The following SNW1 variants were observed in gnomAD, a reference collection of about 807,000 sequenced individuals.
SNW1 encodes SNW domain containing 1.
SNW1 carries 9 observed loss-of-function variants against 75.6 expected under a neutral mutation model. The observed-to-expected ratio is 0.12, with a 90% CI of 0.07 to 0.21. The LOEUF (loss-of-function observed/expected upper bound fraction) is 0.21, where lower values mean the gene tolerates loss of function less well. Ranked by LOEUF, SNW1 falls within the 10% of genes least tolerant of loss-of-function variation. The pLI is 1.00. For synonymous variants in SNW1, 200 were observed against 219.1 expected (o/e 0.91, Z 0.77); for missense variants, 409 against 670.9 (o/e 0.61, Z 4.31).
intron 5 of SNW1, among the ~76,000 whole-genome samples, chr14:77,738,182 C>T (rs1221265734): frequency 6.6e-6 from 1 of 151,766 alleles, no homozygotes; most frequent in Non-Finnish European, 1.5e-5. Flanking sequence ...TGGTGGGCAC[C>T]TGTAATCCCA....
At position 77,760,964 on chromosome 14, in the gene SNW1, C is replaced by G. The variant is rs2080885891; in HGVS notation, c.14+150G>C. On this transcript the variant is annotated intron_variant, in intron 1 of 13. Coordinates refer to ENST00000261531, the MANE Select transcript of SNW1 (RefSeq NM_012245.3). ...CAGCTTCGACTAGGCCTAGTCGTAG[C>G]GGCGGCCAGCGGGAGGGCGTAGCCG... The G allele has an allele frequency of 1.3e-5, 21 of 1,564,678 alleles. No homozygotes were observed. In the South Asian group the frequency reaches 2.0e-4, roughly 15 times the overall value.
In SNW1 at chr14:77,739,050, G is replaced by C; in HGVS notation, c.342C>G (p.Ser114Arg). The change falls in exon 4 of 14, where the codon AGC becomes AGG. Residue 114 changes from serine to arginine, a missense_variant. Around this residue, in one of 9 missense-constraint regions of SNW1, gnomAD observed 60 missense variants for 62.6 expected, o/e 0.96. Coordinates refer to ENST00000261531, the MANE Select transcript of SNW1 (RefSeq NM_012245.3). ...CCTTTGGAACCAGGTCAGTGTATTT[G>C]CTATAAATGACCTAAAATGTTCAAA... ...QGQSKDKVIY[S>R]KYTDLVPKEV... 1.2e-6 allele frequency: 2 copies of C among 1,612,388 alleles called. No homozygotes were observed. The highest frequency in any genetic ancestry group is 1.7e-6 in the Non-Finnish European group (2 of 1,178,980).
At chr14:77,736,155 G>A (rs2080669671) in intron 6 of SNW1, 149 bp from the exon 7 acceptor site, 2 of 566,876 alleles carry the variant, frequency 3.5e-6, no homozygotes, top group Non-Finnish European at 3.1e-6. Context: ...ACTCCACTTT[G>A]ACAATGAATA....
intron 8 of SNW1, among the ~76,000 whole-genome samples, 199 bp from the exon 9 acceptor site, chr14:77,732,800 G>A (rs1023930503): frequency 6.6e-6 from 1 of 152,154 alleles, no homozygotes; most frequent in Non-Finnish European, 1.5e-5. Flanking sequence ...GAGTAGCTGG[G>A]ACCATAGGCG....
At chr14:77,748,026 A>G (rs1468572544) in intron 3 of SNW1, among the ~76,000 whole-genome samples, 1 of 152,238 alleles carries the variant, frequency 6.6e-6, no homozygotes, top group Non-Finnish European at 1.5e-5. Flanking sequence ...GTCTGTGTAG[A>G]GGGAAGTAGA....
chr14:77,725,865 A>G (rs773256775), intron 10 of SNW1, among the ~76,000 whole-genome samples: 2 of 152,206 alleles, frequency 1.3e-5, no homozygotes, highest in Non-Finnish European at 2.9e-5. Context: ...GCAGTGAGCT[A>G]AGATTACACC....
intron 12 of SNW1, 149 bp downstream of exon 12, chr14:77,720,562 T>C: frequency 1.3e-6 from 1 of 775,698 alleles, no homozygotes; most frequent in Non-Finnish European, 2.4e-6. Flanking sequence ...CAGAACTGTT[T>C]CATCTTGTCT....
intron 10 of SNW1, among the ~76,000 whole-genome samples, chr14:77,729,140 A>G (rs2080608941): frequency 6.6e-6 from 1 of 152,188 alleles, no homozygotes; most frequent in Non-Finnish European, 1.5e-5. Context: ...CTTGTAACCA[A>G]TTACCTGGCA....
At chr14:77,722,747 G>A in intron 11 of SNW1, 1 of 363,328 alleles carries the variant, frequency 2.8e-6, no homozygotes, top group Non-Finnish European at 5.3e-6. Flanking sequence ...TCAAACTAAA[G>A]AAGAAAGGGA....
chr14:77,736,676 G>A (rs1227958781), intron 6 of SNW1, among the ~76,000 whole-genome samples: 1 of 152,178 alleles, frequency 6.6e-6, no homozygotes, highest in Admixed American at 6.5e-5. Context: ...ATGCACCTGT[G>A]AAATCATCAT....
intron 5 of SNW1, 39 bp from the exon 6 acceptor site, chr14:77,737,114 C>A (rs1225179324): frequency 2.1e-6 from 3 of 1,422,584 alleles, no homozygotes; most frequent in South Asian, 1.2e-5. Context: ...GTAATTAGTT[C>A]AAGCTTTCAG....
At chr14:77,723,612 A>C (rs918496936) in intron 10 of SNW1, among the ~76,000 whole-genome samples, 9 of 152,060 alleles carry the variant, frequency 5.9e-5, no homozygotes, top group African/African-American at 2.2e-4. Flanking sequence ...GGCCTCCCAA[A>C]GTGCTGGAGT....
chr14:77,718,596 A>G (rs2080510066), intron 12 of SNW1, 66 bp from the exon 13 acceptor site: 4 of 1,073,982 alleles, frequency 3.7e-6, no homozygotes, highest in Non-Finnish European at 5.5e-6. Flanking sequence ...GAATCATAAC[A>G]TGTTTACAGT....
At position 77,720,728 on chromosome 14, in the gene SNW1, G is replaced by T. The variant is rs1464682875; in HGVS notation, c.1231C>A (p.Leu411Ile). 6.2e-7 allele frequency: 1 copy of T among 1,610,382 alleles called. No individual in the cohort carries two copies. Among genetic ancestry groups the T allele is most frequent in the African/African-American group, 1.3e-5 (1 of 74,762 alleles). The change falls in exon 12 of 14, where the codon CTC becomes ATC. Residue 411 changes from leucine to isoleucine, a missense_variant. Leu to Ile is a conservative substitution (Grantham distance 5). Transcript: ENST00000261531. ...TSNEVQYDQR[L>I]FNQSKGMDSG... ...ACTTGTACCTTGGATTGGTTGAAGA[G>T]CCTTTGGTCATACTGAACTTCATTG...
At position 77,754,959 on chromosome 14, in the gene SNW1, A is replaced by T; in HGVS notation, c.168+8T>A. On this transcript the variant is annotated splice_region_variant and intron_variant, in intron 2 of 13. Transcript: ENST00000261531. ...TTTAACAAATCTAAACTTAAGATCT[A>T]TATGTACCTCTAATAACCGAGGTAT... 2 of 1,580,012 alleles carry T rather than the reference A, an allele frequency of 1.3e-6. No homozygotes were observed. Among genetic ancestry groups the T allele is most frequent in the East Asian group, 4.6e-5 (2 of 43,926 alleles).
intron 1 of SNW1, 97 bp downstream of exon 1, chr14:77,761,017 C>T: frequency 1.2e-6 from 2 of 1,614,096 alleles, no homozygotes. Context: ...ATTCTGTGCC[C>T]CGGGTCAGGT....
rs576822127 is a variant in SNW1 at position 77,745,450 on chromosome 14, G to A, written c.330+5869C>T. Among the ~76,000 whole-genome samples the A allele has an allele frequency of 1.3e-4, 20 of 152,342 alleles. No homozygotes were observed. In the South Asian group the frequency reaches 3.9e-3, roughly 30 times the overall value. On this transcript the variant is annotated intron_variant, in intron 3 of 13. Coordinates refer to ENST00000261531, the MANE Select transcript of SNW1 (RefSeq NM_012245.3). The stretch of plus-strand genomic sequence containing the variant: ...TGGCTGGGCACGGTGTCTCATGCCT[G>A]TAATCCCAGCACTTTGGGAGGCCAA...
intron 8 of SNW1, among the ~76,000 whole-genome samples, chr14:77,733,704 C>T (rs536506285): frequency 7.9e-6 from 1 of 126,398 alleles, no homozygotes; most frequent in East Asian, 2.3e-4. Context: ...ATGATCATAC[C>T]ACTGTACTCC....
chr14:77,760,696 G>C, intron 1 of SNW1: 1 of 702,330 alleles, frequency 1.4e-6, no homozygotes, highest in Non-Finnish European at 2.6e-6. Flanking sequence ...AAAGGAGAGA[G>C]ACCACCACAG....
Sources: allele counts gnomAD v4.1 joint callset (sites outside exome capture counted in the v4.1 genomes callset), GRCh38; gene constraint gnomAD v4.1.1; regional missense constraint gnomAD v4.1.1; transcripts MANE v1.5; gene names NCBI Gene and HGNC (gene_info 2026-07-23, HGNC 2026-07-21).